ATP9B: variants seen among roughly 807,000 people sequenced by gnomAD.
ATP9B encodes the protein probable phospholipid-transporting ATPase IIB.
In ATP9B, 110 loss-of-function variants were observed where a neutral mutation model predicts 146.1. That is an observed-to-expected ratio of 0.75 (90% confidence interval 0.65 to 0.88). ATP9B has a LOEUF of 0.88. ATP9B is among the 40% of genes least tolerant of loss of function. The pLI is 0.00. For synonymous variants in ATP9B, 604 were observed against 569.7 expected (o/e 1.06, Z -0.86); for missense variants, 1,499 against 1,496.4 (o/e 1.00, Z -0.03).
chr18:79,272,740 T>C (rs1450341401), intron 12 of ATP9B, among the ~76,000 whole-genome samples: 7 of 152,246 alleles, frequency 4.6e-5, no homozygotes, highest in Non-Finnish European at 1.5e-5. Context: ...TCATTTCCTG[T>C]CATTGATTAC....
intron 15 of ATP9B, among the ~76,000 whole-genome samples, chr18:79,321,460 GCAACCTC>G (rs1182018005): frequency 1.3e-4 from 19 of 150,712 alleles, no homozygotes; most frequent in African/African-American, 4.7e-4. Context: ...TCAGCTCACT[GCAACCTC>G]TGCCTCCCGG....
chr18:79,361,133 C>T (rs1229238636), intron 26 of ATP9B: 1 of 152,216 alleles, frequency 6.6e-6, no homozygotes, highest in Non-Finnish European at 1.5e-5. Flanking sequence ...CTTGTAGCCC[C>T]AGCCGGTGCT....
chr18:79,236,335 A>G (rs528438485), intron 11 of ATP9B, among the ~76,000 whole-genome samples: 1 of 151,926 alleles, frequency 6.6e-6, no homozygotes, highest in South Asian at 2.1e-4. Context: ...TTCCCATTGG[A>G]TTGTTAGTCT....
intron 7 of ATP9B, among the ~76,000 whole-genome samples, chr18:79,166,252 G>A (rs1173212772): frequency 1.3e-5 from 2 of 152,214 alleles, no homozygotes; most frequent in South Asian, 4.1e-4. Context: ...CCAGTCAGAA[G>A]CTTCATGGAG....
intron 8 of ATP9B, among the ~76,000 whole-genome samples, chr18:79,190,895 GT>G (rs1327151831): frequency 6.6e-6 from 1 of 151,240 alleles, no homozygotes; most frequent in Non-Finnish European, 1.5e-5. Flanking sequence ...GGATTTGGGG[GT>G]TTTTTTTAAA....
At chr18:79,359,522 C>G in intron 26 of ATP9B, 60 bp downstream of exon 26, 1 of 1,322,982 alleles carries the variant, frequency 7.6e-7, no homozygotes, top group Non-Finnish European at 1.1e-6. Flanking sequence ...GCATTTTACA[C>G]GAGTGAGAAA....
In ATP9B at chr18:79,274,124, A is replaced by G. The variant is rs145768997; in HGVS notation, c.1269-2930A>G. Among the ~76,000 whole-genome samples, 433 of 152,292 alleles carry G rather than the reference A, an allele frequency of 2.8e-3. 1 individual carries two copies. Among genetic ancestry groups the G allele is most frequent in the African/African-American group, 1.0e-2 (414 of 41,546 alleles). ...ATATAGCTGGTATTGATTACTTTATAATCTATTTCTATAATTCTCAAAATA... is the reference window on the plus strand; with the variant it reads ...ATATAGCTGGTATTGATTACTTTATGATCTATTTCTATAATTCTCAAAATA... On this transcript the variant is annotated intron_variant, in intron 12 of 29. Coordinates refer to ENST00000426216, the MANE Select transcript of ATP9B (RefSeq NM_198531.5).
At chr18:79,337,542 G>A (rs952926517) in intron 19 of ATP9B, 93 bp downstream of exon 19, 1 of 1,490,972 alleles carries the variant, frequency 6.7e-7, no homozygotes, top group East Asian at 2.3e-5. Flanking sequence ...ACTCCTGTGG[G>A]GTCATGGATG....
Position 79,303,534 on chromosome 18 carries a change from T to C in ATP9B, c.1412-70T>C, listed in dbSNP as rs189357256. 1.6e-4 allele frequency: 204 copies of C among 1,240,784 alleles called. 1 individual carries two copies. In the African/African-American group the frequency reaches 2.8e-3, roughly 17 times the overall value. The allele number at this position is 1,240,784 out of a possible 1,614,324, so 76.9% of individuals were successfully genotyped here. On this transcript the variant is annotated intron_variant, in intron 13 of 29. Coordinates refer to ENST00000426216, the MANE Select transcript of ATP9B (RefSeq NM_198531.5). The stretch of plus-strand genomic sequence containing the variant: ...CCCATGAATGTGCAGCATGCCTGCA[T>C]GGTAGGAAAGCTGGGTGTTCCCGCA...
chr18:79,336,762 G>T (rs368741682), intron 18 of ATP9B, 51 bp downstream of exon 18: 5 of 1,552,906 alleles, frequency 3.2e-6, no homozygotes, highest in Non-Finnish European at 4.4e-6. Context: ...CCTTCCTTAC[G>T]CTGAAATTAG....
chr18:79,319,379 C>A (rs1036623544), intron 15 of ATP9B, among the ~76,000 whole-genome samples: 15 of 151,644 alleles, frequency 9.9e-5, no homozygotes, highest in Non-Finnish European at 2.1e-4. Context: ...CCTCTCCTGG[C>A]TAATGTGAGT....
intron 11 of ATP9B, among the ~76,000 whole-genome samples, chr18:79,219,695 T>G (rs554249119): frequency 6.6e-6 from 1 of 152,306 alleles, no homozygotes; most frequent in South Asian, 2.1e-4. Context: ...CTTCCGTCCT[T>G]TTTTCTCTTT....
chr18:79,092,831 T>C lies in ATP9B; in HGVS notation c.120-3645T>C, dbSNP rs115852887. 5.8e-3 allele frequency among the ~76,000 whole-genome samples: 888 copies of C among 152,182 alleles called. 5 individuals are homozygous for C. Among genetic ancestry groups the C allele is most frequent in the African/African-American group, 0.021 (858 of 41,524 alleles). On this transcript the variant is annotated intron_variant, in intron 1 of 29. Coordinates refer to ENST00000426216, the MANE Select transcript of ATP9B (RefSeq NM_198531.5). ...CTGCTGGGATACCTCCTGAAGGACC[T>C]GTCTGAGGCTGTTTTACAGTTAGCT...
Position 79,377,229 on chromosome 18 carries a change from T to G in ATP9B, c.3308-18T>G, listed in dbSNP as rs2097107912. The G allele has an allele frequency of 6.2e-7, 1 of 1,610,004 alleles. No homozygotes were observed. The highest frequency in any genetic ancestry group is 8.5e-7 in the Non-Finnish European group (1 of 1,179,962). ...TTCTTGGTCAGCTCTTACCTTTTTC[T>G]CTGTTTCCTGCCAACAGATGTTGCC... On this transcript the variant is annotated intron_variant, in intron 29 of 29. Transcript: ENST00000426216.
At chr18:79,248,244 A>G (rs1402187484) in intron 11 of ATP9B, among the ~76,000 whole-genome samples, 1 of 152,204 alleles carries the variant, frequency 6.6e-6, no homozygotes, top group Non-Finnish European at 1.5e-5. Flanking sequence ...ACTTTTTAAA[A>G]ACTAATACTT....
chr18:79,157,207 T>TACAC (rs147810207), intron 7 of ATP9B, among the ~76,000 whole-genome samples: 9,418 of 135,274 alleles, frequency 0.07, 365 homozygotes, highest in Non-Finnish European at 0.08. Context: ...CTAAAAAAAA[T>TACAC]ACACACACAC....
rs902381625 is a variant in ATP9B at position 79,174,088 on chromosome 18, T to A, written c.779-2725T>A. 4.0e-4 allele frequency: 120 copies of A among 299,940 alleles called. 2 individuals are homozygous for A. In the Admixed American group the frequency reaches 4.4e-3, roughly 11 times the overall value. The allele number at this position is 299,940 out of a possible 1,614,324, so 18.6% of individuals were successfully genotyped here. On this transcript the variant is annotated intron_variant, in intron 7 of 29. Transcript: ENST00000426216. The stretch of plus-strand genomic sequence containing the variant: ...ATCATCATCATTTTTAAAAATTTAA[T>A]GTTCAGCATTTTTTGCTTTATTTAG...
At chr18:79,073,639 G>A (rs569658725) in intron 1 of ATP9B, among the ~76,000 whole-genome samples, 141 of 152,130 alleles carry the variant, frequency 9.3e-4, no homozygotes, top group Non-Finnish European at 1.7e-3. Flanking sequence ...GACGAGGGAG[G>A]GGGGAGACCG....
At position 79,337,071 on chromosome 18, in the gene ATP9B, C is replaced by T. The variant is rs556811433; in HGVS notation, c.2113-208C>T. Among the ~76,000 whole-genome samples the T allele has an allele frequency of 6.9e-5, 10 of 144,998 alleles. 1 individual carries two copies. The South Asian group carries it at 1.8e-3, about 26-fold the overall frequency. ...TGTCCAGCTCTGTGGAGTACACACA[C>T]GGAGCACGTACACGTGTGCACACAG... is the stretch of plus-strand genomic sequence containing the variant. On this transcript the variant is annotated intron_variant, in intron 18 of 29. Coordinates refer to ENST00000426216, the MANE Select transcript of ATP9B (RefSeq NM_198531.5).
Sources: allele counts gnomAD v4.1 joint callset (sites outside exome capture counted in the v4.1 genomes callset), GRCh38; gene constraint gnomAD v4.1.1; transcripts MANE v1.5; gene names NCBI Gene and HGNC (gene_info 2026-07-23, HGNC 2026-07-21).